The following MAMSTR variants were observed in gnomAD, a reference collection of about 807,000 sequenced individuals.
MAMSTR encodes the protein MEF2-activating motif and SAP domain-containing transcriptional regulator.
A neutral mutation model predicts 42.7 loss-of-function variants in MAMSTR; 41 were observed. The ratio of observed to expected loss-of-function variants is 0.96; its 90% CI spans 0.75 to 1.25. MAMSTR has a LOEUF of 1.25. MAMSTR is among the 50% of genes most tolerant of loss of function. The probability of loss-of-function intolerance (pLI) is 0.00; values close to 1 mark genes in which losing one functional copy is unlikely to be tolerated. For synonymous variants in MAMSTR, 265 were observed against 244.1 expected (o/e 1.09, Z -0.80); for missense variants, 567 against 557.6 (o/e 1.02, Z -0.17).
chr19:48,710,120 G>A (rs182481491), downstream of MAMSTR, among the ~76,000 whole-genome samples: 225 of 150,112 alleles, frequency 1.5e-3, no homozygotes, highest in Non-Finnish European at 2.8e-3. Flanking sequence ...GACTCCCAAA[G>A]TGCTGGGACT....
downstream of MAMSTR, among the ~76,000 whole-genome samples, chr19:48,707,884 A>AAAGAAAGAAAGG (rs2032674227): frequency 1.8e-5 from 2 of 111,412 alleles, no homozygotes; most frequent in African/African-American, 7.7e-5. Flanking sequence ...AGAAAGAAAG[A>AAAGAAAGAAAGG]AAGAAAAGAA....
intron 5 of MAMSTR, 27 bp downstream of exon 5, chr19:48,715,235 C>G: frequency 6.4e-7 from 1 of 1,557,670 alleles, no homozygotes; most frequent in Non-Finnish European, 8.7e-7. Context: ...TTTCTGGGTC[C>G]CGGGAGAACA....
chr19:48,714,579 TG>T lies in MAMSTR; in HGVS notation c.529-20del. 6.9e-7 allele frequency: 1 copy of T among 1,448,054 alleles called. No homozygotes were observed. The highest frequency in any genetic ancestry group is 9.0e-7 in the Non-Finnish European group (1 of 1,111,466). The allele number at this position is 1,448,054 out of a possible 1,614,324, so 89.7% of individuals were successfully genotyped here. On this transcript the variant is annotated intron_variant, in intron 6 of 9. Coordinates refer to ENST00000318083, the MANE Select transcript of MAMSTR (RefSeq NM_001130915.2). Reference sequence around the variant, plus strand: ...CTGAGACCTGGGGAGGGGCGGGGCGTGGGAAGAGGCAGTGCTGGGCGGGCTC... The same window carrying T: ...CTGAGACCTGGGGAGGGGCGGGGCGTGGAAGAGGCAGTGCTGGGCGGGCTC...
rs2032794207 is a variant in MAMSTR at position 48,713,299 on chromosome 19, GGCT to G, written c.1213_1215del (p.Ser405del). The G allele has an allele frequency of 1.2e-6, 2 of 1,603,192 alleles. No homozygotes were observed. The highest frequency in any genetic ancestry group is 1.7e-6 in the Non-Finnish European group (2 of 1,177,076). On this transcript the variant is annotated inframe_deletion, in exon 10 of 10. Coordinates refer to ENST00000318083, the MANE Select transcript of MAMSTR (RefSeq NM_001130915.2). ...GGATCCTCCAGCAGGTCCCACAGCC[GGCT>G]GCTGCTGGAGTCAGATAAGTCAGCG...
At chr19:48,715,177 C>G in intron 5 of MAMSTR, 85 bp downstream of exon 5, 1 of 1,302,002 alleles carries the variant, frequency 7.7e-7, no homozygotes, top group Non-Finnish European at 1.1e-6. Flanking sequence ...GCCCCAATCC[C>G]CTAATCTTGG....
chr19:48,716,440 G>A (rs943615815), intron 3 of MAMSTR, among the ~76,000 whole-genome samples: 2 of 149,578 alleles, frequency 1.3e-5, no homozygotes, highest in Non-Finnish European at 3.0e-5. Flanking sequence ...TGGAGACCAG[G>A]ATGCCTGTCT....
the MAMSTR span, among the ~76,000 whole-genome samples, chr19:48,706,202 G>A: frequency 2.0e-5 from 3 of 149,444 alleles, no homozygotes; most frequent in South Asian, 2.2e-4. Flanking sequence ...CAGGAGAATC[G>A]TTTGCACCAG....
chr19:48,717,262 G>T (rs1389953060), intron 2 of MAMSTR, among the ~76,000 whole-genome samples: 1 of 151,570 alleles, frequency 6.6e-6, no homozygotes, highest in Non-Finnish European at 1.5e-5. Flanking sequence ...CTTCATCCTT[G>T]ACTCACTCTG....
Position 48,715,700 on chromosome 19 carries a change from C to G in MAMSTR, c.165G>C (p.Thr55=). The change falls in exon 4 of 10, where the codon ACG becomes ACC. Residue 55 remains threonine (T), a synonymous_variant. Transcript: ENST00000318083. ...CCCCAGGGCTGAAGAGGAAAGGGGC[C>G]GTGCCCGAGGGCAAGGCCGGGGCCA... ...PPLAPALPSG[T]APFLFSPGVL... is the part of the protein sequence containing the mutation. The G allele has an allele frequency of 6.5e-7, 1 of 1,539,974 alleles. No homozygotes were observed. Among genetic ancestry groups the G allele is most frequent in the East Asian group, 2.5e-5 (1 of 40,474 alleles).
At chr19:48,711,739 G>GTTTTTT (rs34890088), downstream of MAMSTR, among the ~76,000 whole-genome samples, 24 of 76,244 alleles carry the variant, frequency 3.1e-4, 1 homozygote, top group Non-Finnish European at 4.3e-4. Flanking sequence ...TACCTGGCTA[G>GTTTTTT]TTTTTTTTTT....
downstream of MAMSTR, among the ~76,000 whole-genome samples, chr19:48,708,022 G>C (rs1235717302): frequency 6.6e-6 from 1 of 151,946 alleles, no homozygotes; most frequent in African/African-American, 2.4e-5. Context: ...ATTACCTAAG[G>C]TTGGGAGTTC....
intron 2 of MAMSTR, 193 bp from the exon 3 acceptor site, chr19:48,716,936 G>GCGC: frequency 8.4e-7 from 1 of 1,194,876 alleles, no homozygotes; most frequent in South Asian, 4.2e-5. Flanking sequence ...TGCCAGCGCA[G>GCGC]CGCCGCGGGC....
chr19:48,717,781 T>C (rs2033100483), intron 2 of MAMSTR, among the ~76,000 whole-genome samples: 1 of 152,066 alleles, frequency 6.6e-6, no homozygotes, highest in South Asian at 2.1e-4. Context: ...CTCAGCTCAC[T>C]GCAACCTCCA....
intron 2 of MAMSTR, among the ~76,000 whole-genome samples, chr19:48,717,693 C>A (rs1261074866): frequency 1.3e-5 from 2 of 151,262 alleles, no homozygotes; most frequent in East Asian, 3.9e-4. Context: ...CACCACCACA[C>A]CCGGCTAATT....
At chr19:48,718,315 G>T (rs566455844) in intron 2 of MAMSTR, among the ~76,000 whole-genome samples, 1 of 151,096 alleles carries the variant, frequency 6.6e-6, no homozygotes, top group African/African-American at 2.4e-5. Flanking sequence ...GCACGCTCAC[G>T]TGCACACTCA....
chr19:48,713,453 T>A lies in MAMSTR; in HGVS notation c.1062A>T (p.Ser354=). 6.2e-7 allele frequency: 1 copy of A among 1,606,314 alleles called. No individual in the cohort carries two copies. The highest frequency in any genetic ancestry group is 8.5e-7 in the Non-Finnish European group (1 of 1,178,036). ...AGGAGGAGTTCGTGGGAGACGGGAG[T>A]GAAGAGGAGAAAACAGATGAGAGGC... ...SEGLSSVFSS[S]LPSPTNSSSP... is the part of the protein sequence containing the mutation. Residue 354 remains serine (S), a synonymous_variant, in exon 10 of 10, where the codon TCA becomes TCT. Transcript: ENST00000318083.
At chr19:48,718,287 AC>A (rs1309155369) in intron 2 of MAMSTR, among the ~76,000 whole-genome samples, 1 of 150,592 alleles carries the variant, frequency 6.6e-6, no homozygotes, top group African/African-American at 2.5e-5. Context: ...GTGTCTTTGT[AC>A]CCATCCAACC....
At chr19:48,713,621 T>C in intron 9 of MAMSTR, 71 bp from the exon 10 acceptor site, 1 of 1,601,826 alleles carries the variant, frequency 6.2e-7, no homozygotes, top group African/African-American at 1.3e-5. Context: ...ATACCCCATT[T>C]CCAGGATCCA....
chr19:48,712,190 G>C (rs1186112546), downstream of MAMSTR, among the ~76,000 whole-genome samples: 1 of 152,080 alleles, frequency 6.6e-6, no homozygotes, highest in Non-Finnish European at 1.5e-5. Flanking sequence ...ACTGAGCCTG[G>C]TTTGTTGTTT....
Sources: gnomAD v4.1 joint callset for allele counts (sites outside exome capture counted in the v4.1 genomes callset) on GRCh38, gnomAD v4.1.1 for gene constraint, MANE v1.5 for transcripts, NCBI Gene and HGNC (gene_info 2026-07-23, HGNC 2026-07-21) for gene names.